Variants in SERPINB2 observed in about 807,000 individuals in gnomAD.
SERPINB2 encodes the protein serpin family B member 2.
SERPINB2 carries 28 observed loss-of-function variants against 39.4 expected under a neutral mutation model. The ratio of observed to expected loss-of-function variants is 0.71; its 90% CI spans 0.53 to 0.97. The LOEUF is 0.97. SERPINB2 is among the 50% of genes least tolerant of loss of function. The pLI, the probability that SERPINB2 is intolerant of heterozygous loss-of-function variation, is 0.00. For missense variants in SERPINB2, 557 were observed against 505.3 expected (o/e 1.10, Z -0.98); for synonymous variants, 209 against 175.1 (o/e 1.19, Z -1.53).
intron 2 of SERPINB2, chr18:63,892,875 TAAAG>T (rs2049935567): frequency 6.6e-6 from 1 of 152,216 alleles, no homozygotes; most frequent in African/African-American, 2.4e-5. Context: ...CTTGAAAGAA[TAAAG>T]ATAGTAAATT....
intron 1 of SERPINB2, among the ~76,000 whole-genome samples, chr18:63,889,396 ACTTT>A: frequency 6.6e-6 from 1 of 152,128 alleles, no homozygotes. Flanking sequence ...TATTAACAGA[ACTTT>A]CTGTTAGTTT....
intron 1 of SERPINB2, 130 bp from the exon 2 acceptor site, chr18:63,891,306 G>A: frequency 1.1e-6 from 1 of 935,878 alleles, no homozygotes; most frequent in Non-Finnish European, 1.6e-6. Flanking sequence ...GCCTCATGTT[G>A]TTCCATGAGG....
intron 5 of SERPINB2, 75 bp from the exon 6 acceptor site, chr18:63,901,665 G>T: frequency 9.7e-7 from 1 of 1,031,474 alleles, no homozygotes. Flanking sequence ...TAGTTTGATG[G>T]CTACTCAGAA....
Position 63,902,499 on chromosome 18 carries a change from T to C in SERPINB2, c.774T>C (p.Tyr258=), listed in dbSNP as rs1337205944. Residue 258 remains tyrosine, a synonymous_variant, in exon 7 of 8, where the codon TAT becomes TAC. Coordinates refer to ENST00000299502, the MANE Select transcript of SERPINB2 (RefSeq NM_002575.3). The part of the protein sequence containing the change: ...DLKAQILELP[Y]AGDVSMFLLL... ...AGGCTCAGATTCTAGAACTCCCATA[T>C]GCTGGAGATGTTAGCATGTTCTTGT... The C allele has an allele frequency of 1.5e-5, 24 of 1,613,614 alleles. No homozygotes were observed. The highest frequency in any genetic ancestry group is 1.9e-5 in the Non-Finnish European group (23 of 1,179,752).
chr18:63,901,729 G>A lies in SERPINB2; in HGVS notation c.536-11G>A. On this transcript the variant is annotated splice_polypyrimidine_tract_variant and intron_variant, in intron 5 of 7. Transcript: ENST00000299502. ...ATTATGAAACCTAAATATATGTTATGTTTTCTGTAGGCAAAATCCCAAACT... is the reference window on the plus strand; with the variant it reads ...ATTATGAAACCTAAATATATGTTATATTTTCTGTAGGCAAAATCCCAAACT... The A allele has an allele frequency of 6.5e-7, 1 of 1,531,930 alleles. No individual in the cohort carries two copies. The highest frequency in any genetic ancestry group is 1.3e-5 in the South Asian group (1 of 75,728). 94.9% of individuals were successfully genotyped at this position (1,531,930 alleles called of 1,614,324 possible).
Position 63,897,800 on chromosome 18 carries a change from A to T in SERPINB2, c.491A>T (p.Glu164Val), listed in dbSNP as rs374709649. Residue 164 changes from glutamate (E) to valine (V), a missense_variant, in exon 5 of 8, where the codon GAA becomes GTA. Transcript: ENST00000299502. ...GTAGACTTCCTAGAATGTGCAGAAG[A>T]AGCTAGAAAAAAGATTAATTCCTGG... is the stretch of plus-strand genomic sequence containing the variant. ...QAVDFLECAE[E>V]ARKKINSWVK... 1.9e-6 allele frequency: 3 copies of T among 1,613,150 alleles called. No individual in the cohort carries two copies. Among genetic ancestry groups the T allele is most frequent in the Non-Finnish European group, 2.5e-6 (3 of 1,179,370 alleles).
intron 2 of SERPINB2, 125 bp from the exon 3 acceptor site, chr18:63,895,139 G>T: frequency 9.2e-7 from 1 of 1,086,622 alleles, no homozygotes; most frequent in Non-Finnish European, 1.3e-6. Flanking sequence ...ATCTATGGTT[G>T]TTCCCCATGT....
Position 63,891,468 on chromosome 18 carries a change from C to A in SERPINB2, c.24C>A (p.Asn8Lys). 6.2e-7 allele frequency: 1 copy of A among 1,614,084 alleles called. No individual in the cohort carries two copies. Among genetic ancestry groups the A allele is most frequent in the South Asian group, 1.1e-5 (1 of 91,080 alleles). Residue 8 changes from asparagine to lysine, a missense_variant, in exon 2 of 8, where the codon AAC becomes AAA. Asn to Lys is a moderately conservative substitution (Grantham distance 94, BLOSUM62 0). Transcript: ENST00000299502. The stretch of plus-strand genomic sequence containing the variant: ...CAATGGAGGATCTTTGTGTGGCAAA[C>A]ACACTCTTTGCCCTCAATTTATTCA... MEDLCVA[N>K]TLFALNLFKH...
rs1481069360 is a variant in SERPINB2 at position 63,891,462 on chromosome 18, G to A, written c.18G>A (p.Val6=). 1.9e-6 allele frequency: 3 copies of A among 1,613,998 alleles called. No homozygotes were observed. The highest frequency in any genetic ancestry group is 8.5e-7 in the Non-Finnish European group (1 of 1,179,958). ...TTGAAACAATGGAGGATCTTTGTGT[G>A]GCAAACACACTCTTTGCCCTCAATT... MEDLC[V]ANTLFALNLF... Residue 6 remains valine (V), a synonymous_variant, in exon 2 of 8, where the codon GTG becomes GTA. Coordinates refer to ENST00000299502, the MANE Select transcript of SERPINB2 (RefSeq NM_002575.3).
In SERPINB2 at chr18:63,891,551, C is replaced by T. The variant is rs1442224995; in HGVS notation, c.107C>T (p.Ser36Leu). 1.2e-6 allele frequency: 2 copies of T among 1,614,166 alleles called. No individual in the cohort carries two copies. Among genetic ancestry groups the T allele is most frequent in the Non-Finnish European group, 1.7e-6 (2 of 1,180,012 alleles). The stretch of plus-strand genomic sequence containing the variant: ...CTCTTCCTCTCCCCATGGAGCATCT[C>T]GTCCACCATGGCCATGGTCTACATG... ...QNLFLSPWSI[S>L]STMAMVYMGS... Residue 36 changes from serine (S) to leucine (L), a missense_variant, in exon 2 of 8, where the codon TCG (serine) becomes TTG (leucine). By Grantham distance (145) the Ser-to-Leu change is moderately radical. Coordinates refer to ENST00000299502, the MANE Select transcript of SERPINB2 (RefSeq NM_002575.3).
chr18:63,902,639 C>T (rs2050000221), intron 7 of SERPINB2, 71 bp downstream of exon 7: 4 of 1,358,940 alleles, frequency 2.9e-6, no homozygotes, highest in Non-Finnish European at 4.1e-6. Flanking sequence ...ATATATACTC[C>T]TTACAAATGG....
chr18:63,892,418 A>G (rs1599057834), intron 2 of SERPINB2, among the ~76,000 whole-genome samples: 1 of 152,224 alleles, frequency 6.6e-6, no homozygotes, highest in African/African-American at 2.4e-5. Context: ...CGTTACTGTA[A>G]TAGTCACTCA....
intron 1 of SERPINB2, among the ~76,000 whole-genome samples, chr18:63,889,071 G>C (rs896271731): frequency 1.3e-5 from 2 of 152,166 alleles, no homozygotes; most frequent in African/African-American, 4.8e-5. Context: ...CTTGGAATCA[G>C]AAGTCTGTGA....
Position 63,897,168 on chromosome 18 carries a change from A to G in SERPINB2, c.366A>G (p.Leu122=). 1 of 1,613,512 alleles carries G rather than the reference A, an allele frequency of 6.2e-7. No individual in the cohort carries two copies. The highest frequency in any genetic ancestry group is 2.2e-5 in the East Asian group (1 of 44,866). ...TCAATGCATCCACAGGGAATTATTT[A>G]CTGGAAAGTGTCAATAAGCTGTTTG... ...SAINASTGNY[L]LESVNKLFGE... Residue 122 remains leucine, a synonymous_variant, in exon 4 of 8, where the codon TTA becomes TTG. Transcript: ENST00000299502.
In SERPINB2 at chr18:63,891,606, G is replaced by A; in HGVS notation, c.162G>A (p.Met54Ile). 16 of 1,613,034 alleles carry A rather than the reference G, an allele frequency of 9.9e-6. No individual in the cohort carries two copies. Among genetic ancestry groups the A allele is most frequent in the Non-Finnish European group, 1.4e-5 (16 of 1,179,352 alleles). The change falls in exon 2 of 8, where the codon ATG becomes ATA. Residue 54 changes from methionine (M) to isoleucine (I), a missense_variant. Coordinates refer to ENST00000299502, the MANE Select transcript of SERPINB2 (RefSeq NM_002575.3). ...MGSRGSTEDQ[M>I]AKVLQFNEVG... ...CCAGGGGCAGCACCGAAGACCAGATGGCCAAGGTGAGTTTGAGCTGAAGCT... is the reference window on the plus strand; with the variant it reads ...CCAGGGGCAGCACCGAAGACCAGATAGCCAAGGTGAGTTTGAGCTGAAGCT...
chr18:63,900,344 C>G (rs1167089185), intron 5 of SERPINB2, among the ~76,000 whole-genome samples: 2 of 152,106 alleles, frequency 1.3e-5, no homozygotes, highest in African/African-American at 2.4e-5. Flanking sequence ...GAAGATGAAA[C>G]TGATGCAAGG....
In SERPINB2 at chr18:63,891,458, G is replaced by C; in HGVS notation, c.14G>C (p.Cys5Ser). 1 of 1,613,542 alleles carries C rather than the reference G, an allele frequency of 6.2e-7. No homozygotes were observed. Among genetic ancestry groups the C allele is most frequent in the Non-Finnish European group, 8.5e-7 (1 of 1,179,798 alleles). The change falls in exon 2 of 8, where the codon TGT becomes TCT. Residue 5 changes from cysteine (C) to serine (S), a missense_variant. Physicochemically the swap from Cys to Ser is moderately radical, Grantham distance 112 (BLOSUM62 -1). Coordinates refer to ENST00000299502, the MANE Select transcript of SERPINB2 (RefSeq NM_002575.3). MEDL[C>S]VANTLFALNL... ...TAGATTGAAACAATGGAGGATCTTT[G>C]TGTGGCAAACACACTCTTTGCCCTC...
intron 2 of SERPINB2, chr18:63,892,689 A>C (rs940609903): frequency 4.6e-5 from 7 of 152,166 alleles, no homozygotes; most frequent in African/African-American, 1.4e-4. Context: ...TGAAGTTTGA[A>C]GTTTCACAGA....
Position 63,894,920 on chromosome 18 carries a change from T to G in SERPINB2, c.169-344T>G, listed in dbSNP as rs1238253826. On this transcript the variant is annotated intron_variant, in intron 2 of 7. Coordinates refer to ENST00000299502, the MANE Select transcript of SERPINB2 (RefSeq NM_002575.3). ...TTCTGAGTTAATCTTGTGACTTTCT[T>G]TAAAATACTGGCATTTTTTTTTCAA... 2.0e-5 allele frequency among the ~76,000 whole-genome samples: 3 copies of G among 152,314 alleles called. No homozygotes were observed. In the East Asian group the frequency reaches 5.8e-4, roughly 29 times the overall value.
Sources: allele counts gnomAD v4.1 joint callset (sites outside exome capture counted in the v4.1 genomes callset), GRCh38; gene constraint gnomAD v4.1.1; transcripts MANE v1.5; gene names NCBI Gene and HGNC (gene_info 2026-07-23, HGNC 2026-07-21).